Variants in ACOT11 observed in about 807,000 individuals in gnomAD.
ACOT11 encodes acyl-coenzyme A thioesterase 11.
A neutral mutation model predicts 77.5 loss-of-function variants in ACOT11; 69 were observed. The ratio of observed to expected loss-of-function variants is 0.89; its 90% CI spans 0.73 to 1.09. The LOEUF is 1.09. ACOT11 is among the 50% of genes least tolerant of loss of function. The pLI is 0.00. For missense variants in ACOT11, 766 were observed against 813.7 expected (o/e 0.94, Z 0.71); for synonymous variants, 279 against 313.0 (o/e 0.89, Z 1.15).
rs1326678106 is a variant in ACOT11, at chr1:54,597,279, A to G, written c.628A>G (p.Ser210Gly). ...IQGDLESRDC[S>G]RMVPAEKTRV... ...GTCAGATCTGGAGAGCAGAGACTGT[A>G]GCCGCATGGTGCCGGCTGAGAAGAC... is the stretch of plus-strand genomic sequence containing the variant. The change falls in exon 7 of 16, where the codon AGC (serine) becomes GGC (glycine). Residue 210 changes from serine to glycine, a missense_variant. Transcript: ENST00000343744. 6 of 1,613,028 alleles carry G rather than the reference A, an allele frequency of 3.7e-6. No individual in the cohort carries two copies. The African/African-American group carries it at 4.0e-5, about 11-fold the overall frequency.
At chr1:54,624,110 G>A (rs1410406324) in intron 15 of ACOT11, among the ~76,000 whole-genome samples, 1 of 152,184 alleles carries the variant, frequency 6.6e-6, no homozygotes, top group African/African-American at 2.4e-5. Context: ...TGCAGAGGGA[G>A]TTCTGGGGGC....
intron 15 of ACOT11, among the ~76,000 whole-genome samples, chr1:54,629,765 G>A (rs1417417886): frequency 1.5e-5 from 2 of 133,638 alleles, no homozygotes; most frequent in African/African-American, 5.1e-5. Flanking sequence ...TTTTGTGTGT[G>A]GAGATAGGGT....
chr1:54,574,879 G>A lies in ACOT11; in HGVS notation c.34-9776G>A, dbSNP rs75430416. ...CATCCTCTCCAGCCTCCTTGACACC[G>A]CTTCCTCACACGTGCACAAAACTGC... is the stretch of plus-strand genomic sequence containing the variant. On this transcript the variant is annotated intron_variant, in intron 1 of 15. Transcript: ENST00000343744. Among the ~76,000 whole-genome samples, 660 of 152,304 alleles carry A rather than the reference G, an allele frequency of 4.3e-3. 1 individual carries two copies. Among genetic ancestry groups the A allele is most frequent in the African/African-American group, 0.015 (619 of 41,562 alleles).
intron 1 of ACOT11, among the ~76,000 whole-genome samples, chr1:54,576,491 TAAAA>T (rs71581820): frequency 3.5e-4 from 24 of 68,364 alleles, no homozygotes; most frequent in Non-Finnish European, 5.7e-4. Flanking sequence ...GAGCAAGATC[TAAAA>T]AAAAAAAAAA....
At chr1:54,600,498 C>G (rs375086653) in intron 8 of ACOT11, among the ~76,000 whole-genome samples, 1 of 152,152 alleles carries the variant, frequency 6.6e-6, no homozygotes, top group African/African-American at 2.4e-5. Context: ...TCCTGGCCAA[C>G]ATGGCGAAAC....
intron 1 of ACOT11, among the ~76,000 whole-genome samples, chr1:54,578,947 G>A (rs1179614616): frequency 6.6e-6 from 1 of 152,060 alleles, no homozygotes; most frequent in African/African-American, 2.4e-5. Flanking sequence ...AATACATATA[G>A]GAGATGCTTC....
chr1:54,609,323 T>C lies in ACOT11; in HGVS notation c.*211T>C, dbSNP rs1344148675. 3 of 1,613,394 alleles carry C rather than the reference T, an allele frequency of 1.9e-6. No homozygotes were observed. The highest frequency in any genetic ancestry group is 2.7e-5 in the African/African-American group (2 of 74,866). Reference sequence around the variant, plus strand: ...CTTGTGGTAGCCCTGGGGTAGCCTGTAGTAGACTCGGGTCCTGTCCACAGC... The same window carrying C: ...CTTGTGGTAGCCCTGGGGTAGCCTGCAGTAGACTCGGGTCCTGTCCACAGC... On this transcript the variant is annotated 3_prime_UTR_variant, in exon 16 of 16. Transcript: ENST00000343744.
intron 16 of ACOT11, among the ~76,000 whole-genome samples, chr1:54,633,828 G>A (rs565077320): frequency 3.3e-5 from 5 of 152,266 alleles, no homozygotes; most frequent in East Asian, 1.9e-4. Flanking sequence ...ACTAGCCCTC[G>A]GCAATTAGCA....
chr1:54,568,988 G>A (rs1653838835), intron 1 of ACOT11, among the ~76,000 whole-genome samples: 1 of 151,972 alleles, frequency 6.6e-6, no homozygotes, highest in Non-Finnish European at 1.5e-5. Context: ...GCACCCGTCT[G>A]TAGTCCCAGC....
chr1:54,566,381 C>T lies in ACOT11; in HGVS notation c.33+18039C>T, dbSNP rs181234844. On this transcript the variant is annotated intron_variant, in intron 1 of 15. Coordinates refer to ENST00000343744, the MANE Select transcript of ACOT11 (RefSeq NM_147161.4). ...CTGAGGCACGAGAATCGCTAGAACC[C>T]GGGAGATGGAGATTGCAGTGAGCCG... Among the ~76,000 whole-genome samples the T allele has an allele frequency of 7.3e-4, 109 of 149,468 alleles. 1 individual carries two copies. In the Middle Eastern group the frequency reaches 0.01, roughly 14 times the overall value.
intron 15 of ACOT11, among the ~76,000 whole-genome samples, chr1:54,626,352 C>T (rs1644272635): frequency 6.6e-6 from 1 of 152,150 alleles, no homozygotes; most frequent in Non-Finnish European, 1.5e-5. Flanking sequence ...TAGAATTATA[C>T]AATGTGACTC....
At chr1:54,604,277 C>G in intron 11 of ACOT11, 69 bp from the exon 12 acceptor site, 1 of 1,473,318 alleles carries the variant, frequency 6.8e-7, no homozygotes, top group Non-Finnish European at 9.4e-7. Flanking sequence ...TCTGGCACAC[C>G]CTTGGCCTTG....
intron 1 of ACOT11, among the ~76,000 whole-genome samples, chr1:54,556,218 C>G (rs1273264734): frequency 1.3e-5 from 2 of 152,014 alleles, no homozygotes; most frequent in African/African-American, 4.8e-5. Flanking sequence ...TTGGAGCTCT[C>G]TATTCTGTTC....
At chr1:54,614,943 T>TGTGTGTGC (rs575934917), downstream of ACOT11, 157 of 525,026 alleles carry the variant, frequency 3.0e-4, 3 homozygotes, top group Non-Finnish European at 3.6e-4. Flanking sequence ...AGAGCGGGTG[T>TGTGTGTGC]GTGTGTGTGT....
At chr1:54,555,978 C>T (rs965913948) in intron 1 of ACOT11, among the ~76,000 whole-genome samples, 5 of 152,148 alleles carry the variant, frequency 3.3e-5, no homozygotes, top group African/African-American at 1.2e-4. Context: ...GAACTCCTGA[C>T]CTCAGGTGAT....
chr1:54,620,873 A>AAAAAAAAAAAAAG (rs1644223252), intron 15 of ACOT11, among the ~76,000 whole-genome samples: 1 of 142,784 alleles, frequency 7.0e-6, no homozygotes, highest in Non-Finnish European at 1.5e-5. Context: ...AAAAAAAAAA[A>AAAAAAAAAAAAAG]AAAAGGCTGG....
intron 1 of ACOT11, among the ~76,000 whole-genome samples, chr1:54,553,270 C>A (rs2100935484): frequency 6.6e-6 from 1 of 151,442 alleles, no homozygotes; most frequent in African/African-American, 2.4e-5. Context: ...AATCCCAACA[C>A]TTTGGGAGGC....
chr1:54,623,946 C>G (rs566605366), intron 15 of ACOT11, among the ~76,000 whole-genome samples: 1 of 152,200 alleles, frequency 6.6e-6, no homozygotes, highest in African/African-American at 2.4e-5. Flanking sequence ...ATTAGATCTG[C>G]GTAAGGGGCA....
At chr1:54,551,856 TCTC>T (rs1263542497) in intron 1 of ACOT11, among the ~76,000 whole-genome samples, 2 of 152,098 alleles carry the variant, frequency 1.3e-5, no homozygotes, top group Non-Finnish European at 1.5e-5. Context: ...TTCAAGGAAT[TCTC>T]CTGCCTCAGC....
Sources: gnomAD v4.1 joint callset for allele counts (sites outside exome capture counted in the v4.1 genomes callset) on GRCh38, gnomAD v4.1.1 for gene constraint, MANE v1.5 for transcripts, NCBI Gene and HGNC (gene_info 2026-07-23, HGNC 2026-07-21) for gene names.